Variants in RFX1 observed in about 807,000 individuals in gnomAD.
RFX1 encodes regulatory factor X1, also known as MHC class II regulatory factor RFX1.
A neutral mutation model predicts 119.6 loss-of-function variants in RFX1; 42 were observed. That is an observed-to-expected ratio of 0.35 (90% CI 0.27 to 0.45). The LOEUF is 0.45. Among genes scored for constraint, RFX1 ranks in the 20% least tolerant of loss-of-function variants. The pLI, the probability that RFX1 is intolerant of heterozygous loss-of-function variation, is 1.00. For missense variants in RFX1, 1,118 were observed against 1,368.1 expected (o/e 0.82, Z 2.88); for synonymous variants, 628 against 618.5 (o/e 1.02, Z -0.23).
Position 13,963,927 on chromosome 19 carries a change from C to T in RFX1, c.2292G>A (p.Val764=). 6.5e-7 allele frequency: 1 copy of T among 1,547,842 alleles called. No individual in the cohort carries two copies. Among genetic ancestry groups the T allele is most frequent in the Non-Finnish European group, 8.7e-7 (1 of 1,147,888 alleles). ...LNHLAQAARA[V]LQNTAQINQM... ...GGTTGATCTGTGCGGTGTTCTGCAG[C>T]ACAGCGCGCGCCGCCTGCGCCAGGT... The change falls in exon 17 of 21, where the codon GTG becomes GTA. Residue 764 remains valine, a synonymous_variant. Transcript: ENST00000254325.
At chr19:13,978,897 C>G (rs962090796) in intron 7 of RFX1, among the ~76,000 whole-genome samples, 6 of 151,992 alleles carry the variant, frequency 3.9e-5, no homozygotes, top group African/African-American at 1.2e-4. Context: ...GTGGGGGCAG[C>G]ACGCCCACCA....
In RFX1 at chr19:13,982,212, C is replaced by CGCT; in HGVS notation, c.527_529dup (p.Gln176dup). 7.6e-7 allele frequency: 1 copy of CGCT among 1,307,854 alleles called. No individual in the cohort carries two copies. The highest frequency in any genetic ancestry group is 3.2e-5 in the South Asian group (1 of 31,378). The allele number at this position is 1,307,854 out of a possible 1,614,324, so 81.0% of individuals were successfully genotyped here. A position where few individuals can be genotyped will look rare whatever the true frequency, so the allele number is the denominator to read the frequency against. On this transcript the variant is annotated inframe_insertion, in exon 5 of 21. Coordinates refer to ENST00000254325, the MANE Select transcript of RFX1 (RefSeq NM_002918.5). The stretch of plus-strand genomic sequence containing the variant: ...TGGGGCTGCGCTCTGCACCACCAGA[C>CGCT]GCTGCGTGGGAAGAGCCTGGGGCCA...
chr19:13,973,409 C>T (rs563991013), intron 8 of RFX1, among the ~76,000 whole-genome samples: 98 of 152,018 alleles, frequency 6.4e-4, no homozygotes, highest in Non-Finnish European at 1.1e-3. Flanking sequence ...GCCAGGAGTT[C>T]AAGACTAGCC....
At chr19:13,978,146 T>C in intron 7 of RFX1, 60 bp from the exon 8 acceptor site, 1 of 1,301,156 alleles carries the variant, frequency 7.7e-7, no homozygotes. Flanking sequence ...CGGTTCTCCC[T>C]CTAAAGGGCT....
intron 1 of RFX1, among the ~76,000 whole-genome samples, chr19:13,999,856 A>C (rs931207605): frequency 1.3e-5 from 2 of 152,076 alleles, no homozygotes; most frequent in Non-Finnish European, 2.9e-5. Flanking sequence ...TTGTATTTTT[A>C]GTACAGATGG....
chr19:13,980,757 C>T lies in RFX1; in HGVS notation c.622-68G>A, dbSNP rs1974404685. Reference sequence around the variant, plus strand: ...GCATCCTCTCTGAGGTGGGCTCACACACACACCCTTCTCAGGAGAGCTGTC... The same window carrying T: ...GCATCCTCTCTGAGGTGGGCTCACATACACACCCTTCTCAGGAGAGCTGTC... On this transcript the variant is annotated intron_variant, in intron 5 of 20. Transcript: ENST00000254325. The surrounding 1 kb of genome is among the most constrained non-coding windows in gnomAD (Gnocchi z 5.1). 4.0e-4 allele frequency: 77 copies of T among 193,326 alleles called. No individual in the cohort carries two copies. The highest frequency in any genetic ancestry group is 5.1e-4 in the Non-Finnish European group (68 of 133,742). 12.0% of individuals were successfully genotyped at this position (193,326 alleles called of 1,614,324 possible).
chr19:13,979,514 G>T lies in RFX1; in HGVS notation c.767C>A (p.Ala256Glu). 2 of 1,604,008 alleles carry T rather than the reference G, an allele frequency of 1.2e-6. No individual in the cohort carries two copies. The highest frequency in any genetic ancestry group is 1.7e-6 in the Non-Finnish European group (2 of 1,174,474). Residue 256 changes from alanine to glutamate, a missense_variant, in exon 7 of 21, where the codon GCG becomes GAG. Coordinates refer to ENST00000254325, the MANE Select transcript of RFX1 (RefSeq NM_002918.5). The stretch of plus-strand genomic sequence containing the variant: ...CGGCTGCACCGGGCCGGGTTTGGGC[G>T]CTTGTGGAGTGGCCTGGACCACAGA... ...ERSVVQATPQ[A>E]PKPGPVQPLT...
chr19:13,976,711 C>T (rs996687050), intron 8 of RFX1, among the ~76,000 whole-genome samples: 8 of 152,192 alleles, frequency 5.3e-5, no homozygotes, highest in Non-Finnish European at 1.2e-4. Context: ...CCACAGAAAG[C>T]GGGTAGAGGC....
intron 1 of RFX1, among the ~76,000 whole-genome samples, chr19:14,002,819 C>A (rs1398313727): frequency 6.6e-6 from 1 of 152,210 alleles, no homozygotes; most frequent in East Asian, 1.9e-4. Context: ...GCCTGGCCAT[C>A]CCCTTCCCTG....
Position 13,963,534 on chromosome 19 carries a change from G to A in RFX1, c.2570+4C>T, listed in dbSNP as rs755657803. The A allele has an allele frequency of 2.1e-5, 34 of 1,600,962 alleles. No homozygotes were observed. In the East Asian group the frequency reaches 7.6e-4, roughly 36 times the overall value. On this transcript the variant is annotated splice_donor_region_variant and intron_variant, in intron 18 of 20. Transcript: ENST00000254325. The stretch of plus-strand genomic sequence containing the variant: ...GCCCGGACCCGATCCCGCCGCGCGC[G>A]CACCTGTAGAAGGACCACTTGAGGA...
chr19:13,988,650 A>G (rs1974693300), intron 2 of RFX1, among the ~76,000 whole-genome samples: 1 of 152,014 alleles, frequency 6.6e-6, no homozygotes, highest in Admixed American at 6.6e-5. Context: ...TTCCACAGAG[A>G]CTGAGCACTG....
chr19:13,989,862 C>T (rs78335647), intron 2 of RFX1, among the ~76,000 whole-genome samples: 1 of 150,230 alleles, frequency 6.7e-6, no homozygotes, highest in Non-Finnish European at 1.5e-5. Context: ...GTGGAAGAGG[C>T]GGGGGGGGTT....
At position 13,980,698 on chromosome 19, in the gene RFX1, G is replaced by T; in HGVS notation, c.622-9C>A. The T allele has an allele frequency of 8.6e-7, 1 of 1,158,442 alleles. No individual in the cohort carries two copies. The highest frequency in any genetic ancestry group is 1.1e-6 in the Non-Finnish European group (1 of 871,230). The allele number at this position is 1,158,442 out of a possible 1,614,324, so 71.8% of individuals were successfully genotyped here. ...GCCTGCACCGGCGACTGCTGTAAGG[G>T]AAGGAGACACAGGAGTGCCGCTGGG... On this transcript the variant is annotated splice_polypyrimidine_tract_variant and intron_variant, in intron 5 of 20. Transcript: ENST00000254325. The surrounding 1 kb of genome is among the most constrained non-coding windows in gnomAD (Gnocchi z 5.1).
intron 2 of RFX1, among the ~76,000 whole-genome samples, chr19:13,989,404 C>G (rs944608249): frequency 2.6e-5 from 4 of 152,062 alleles, no homozygotes; most frequent in Non-Finnish European, 5.9e-5. Context: ...GAGTTTCACT[C>G]TTGTTGCCCA....
At chr19:13,964,110 A>G in intron 16 of RFX1, 103 bp from the exon 17 acceptor site, 2 of 1,247,576 alleles carry the variant, frequency 1.6e-6, no homozygotes, top group Non-Finnish European at 2.1e-6. Context: ...CCTTTTTCCT[A>G]AAAAAGGAGG....
chr19:13,983,592 C>A lies in RFX1; in HGVS notation c.323G>T (p.Gly108Val), dbSNP rs773081521. ...CACTGTCTCGCTGGCCCGCATGGCA[C>A]CTTCTGTGGGGAGGGGCCACCAGGT... ...QQYIVVTVSE[G>V]AMRASETVSE... Residue 108 changes from glycine to valine, a missense_variant, in exon 3 of 21, where the codon GGT becomes GTT. This residue lies in a region of RFX1 where 542 missense variants were observed against 602.7 expected (regional missense o/e 0.90). Transcript: ENST00000254325. The A allele has an allele frequency of 3.1e-6, 5 of 1,599,716 alleles. 1 individual carries two copies. The South Asian group carries it at 5.6e-5, about 18-fold the overall frequency.
intron 1 of RFX1, among the ~76,000 whole-genome samples, chr19:13,999,331 G>A (rs1249671090): frequency 6.6e-6 from 1 of 152,152 alleles, no homozygotes; most frequent in Non-Finnish European, 1.5e-5. Flanking sequence ...GCTGCTTATG[G>A]AGACTGTTTA....
At chr19:13,970,234 G>A in intron 9 of RFX1, 59 bp from the exon 10 acceptor site, 1 of 1,471,450 alleles carries the variant, frequency 6.8e-7, no homozygotes, top group Non-Finnish European at 9.2e-7. Context: ...ATCTCTGAGT[G>A]CTGGGGCTGA....
chr19:13,982,920 C>A, intron 4 of RFX1: 1 of 502,770 alleles, frequency 2.0e-6, no homozygotes, highest in Non-Finnish European at 3.6e-6. Flanking sequence ...TGCTTCGGGA[C>A]ACTGGGTTGG....
Sources: gnomAD v4.1 joint callset for allele counts (sites outside exome capture counted in the v4.1 genomes callset) on GRCh38, gnomAD v4.1.1 for gene constraint, gnomAD v4.1.1 regional missense constraint, Gnocchi (gnomAD v3.1) non-coding constraint, MANE v1.5 for transcripts, NCBI Gene and HGNC (gene_info 2026-07-23, HGNC 2026-07-21) for gene names.